CEP44: variants seen among roughly 807,000 people sequenced by gnomAD.
CEP44 encodes the protein centrosomal protein of 44 kDa.
A neutral mutation model predicts 46.7 loss-of-function variants in CEP44; 45 were observed. That is an observed-to-expected ratio of 0.96 (90% CI 0.76 to 1.24). The LOEUF (loss-of-function observed/expected upper bound fraction) is 1.24. Among genes scored for constraint, CEP44 ranks in the 50% most tolerant of loss-of-function variants. The pLI, the probability that CEP44 is intolerant of heterozygous loss-of-function variation, is 0.00. For synonymous variants in CEP44, 142 were observed against 146.0 expected (o/e 0.97, Z 0.20); for missense variants, 475 against 459.7 (o/e 1.03, Z -0.30).
rs1298423696 is a variant in CEP44 at position 174,311,175 on chromosome 4, TTAGG to T, written c.961+325_961+328del. ...GGCCTCCAAGTTTTTAAATTTAAGC[TTAGG>T]TAGGTAGTAGCTTTCTCATATGTAA... On this transcript the variant is annotated intron_variant, in intron 9 of 11. Transcript: ENST00000503780. This position sits in a 1 kb window ranked among gnomAD's most constrained non-coding sequence, Gnocchi z 4.4. Among the ~76,000 whole-genome samples the T allele has an allele frequency of 6.6e-6, 1 of 151,952 alleles. No homozygotes were observed. The highest frequency in any genetic ancestry group is 1.5e-5 in the Non-Finnish European group (1 of 67,892).
chr4:174,324,442 G>T (rs1487979736), downstream of CEP44, among the ~76,000 whole-genome samples: 1 of 152,088 alleles, frequency 6.6e-6, no homozygotes, highest in Non-Finnish European at 1.5e-5. Flanking sequence ...GTAAAGTTAT[G>T]ATTAAGTTTA....
rs1560894461 is a variant in CEP44 at position 174,297,477 on chromosome 4, T to A, written c.-147-489T>A. On this transcript the variant is annotated intron_variant, in intron 1 of 11. Coordinates refer to ENST00000503780, the MANE Select transcript of CEP44 (RefSeq NM_001040157.3). The surrounding 1 kb of genome is among the most constrained non-coding windows in gnomAD (Gnocchi z 4.3). ...TATCAATAAGTGAGTTTGCTGCAGG[T>A]TTATTGGGCAAGACCTGCCCTTTTC... is the stretch of plus-strand genomic sequence containing the variant. Among the ~76,000 whole-genome samples the A allele has an allele frequency of 6.6e-6, 1 of 152,122 alleles. No individual in the cohort carries two copies. The highest frequency in any genetic ancestry group is 1.5e-5 in the Non-Finnish European group (1 of 68,028).
chr4:174,306,768 G>C (rs112185001), intron 6 of CEP44, among the ~76,000 whole-genome samples: 2,465 of 152,102 alleles, frequency 0.016, 56 homozygotes, highest in African/African-American at 0.056. Context: ...GCAAAGTCTT[G>C]AGATACAAAA....
intron 5 of CEP44, among the ~76,000 whole-genome samples, 169 bp downstream of exon 5, chr4:174,304,018 C>G (rs1464900214): frequency 6.6e-6 from 1 of 152,124 alleles, no homozygotes; most frequent in Non-Finnish European, 1.5e-5. Context: ...TTAAATACTA[C>G]TCTCTTGTTT....
Position 174,318,194 on chromosome 4 carries a change from G to C in CEP44, c.*811G>C. 4.5e-6 allele frequency: 3 copies of C among 662,448 alleles called. No individual in the cohort carries two copies. Among genetic ancestry groups the C allele is most frequent in the Non-Finnish European group, 5.6e-6 (3 of 535,344 alleles). The allele number at this position is 662,448 out of a possible 1,614,324, so 41.0% of individuals were successfully genotyped here. On this transcript the variant is annotated 3_prime_UTR_variant, in exon 12 of 12. Coordinates refer to ENST00000503780, the MANE Select transcript of CEP44 (RefSeq NM_001040157.3). ...TTCTTGTGCCTCAGCCTCCTGAGTA[G>C]CTGGGATTATAGGCATGCACCACCA...
rs1431116754 is a variant in CEP44, at chr4:174,287,603, TCA to T, written c.-148+3667_-148+3668del. On this transcript the variant is annotated intron_variant, in intron 1 of 11. Coordinates refer to ENST00000503780, the MANE Select transcript of CEP44 (RefSeq NM_001040157.3). The surrounding 1 kb of genome is among the most constrained non-coding windows in gnomAD (Gnocchi z 5.1). ...TCTATAATATTTTAAATTAACTAAA[TCA>T]CACACATTCTCTTTTTCATCATTAC... Among the ~76,000 whole-genome samples, 10 of 152,218 alleles carry T rather than the reference TCA, an allele frequency of 6.6e-5. No individual in the cohort carries two copies. The highest frequency in any genetic ancestry group is 2.4e-4 in the African/African-American group (10 of 41,464).
At chr4:174,333,206 G>A (rs1731395382) in exon 9 of CEP44, 1 of 150,524 alleles carries the variant, frequency 6.6e-6, no homozygotes, top group Non-Finnish European at 1.5e-5. Flanking sequence ...GAGCGTAAAA[G>A]GATGAATTGC....
chr4:174,299,100 G>C lies in CEP44; in HGVS notation c.-22G>C, dbSNP rs747430320. On this transcript the variant is annotated 5_prime_UTR_variant, in exon 3 of 12. Transcript: ENST00000503780. ...AAAAATTAGACGATTTCAAGAATTG[G>C]AGCTGAATCTGATGTTAAGTAATGG... 1.9e-6 allele frequency: 3 copies of C among 1,596,386 alleles called. No homozygotes were observed. The highest frequency in any genetic ancestry group is 2.6e-6 in the Non-Finnish European group (3 of 1,167,474).
rs1383993500 is a variant in CEP44 at position 174,288,951 on chromosome 4, T to G, written c.-148+5008T>G. Among the ~76,000 whole-genome samples, 1 of 152,172 alleles carries G rather than the reference T, an allele frequency of 6.6e-6. No homozygotes were observed. The highest frequency in any genetic ancestry group is 1.9e-4 in the East Asian group (1 of 5,198). ...TAAGGTTCTTCCATACCTAGTTTAT[T>G]GGGAGTTTTTATCACAAAAGAGTAT... On this transcript the variant is annotated intron_variant, in intron 1 of 11. Transcript: ENST00000503780. This position sits in a 1 kb window ranked among gnomAD's most constrained non-coding sequence, Gnocchi z 4.6.
At chr4:174,320,616 C>T (rs1369987125), downstream of CEP44, among the ~76,000 whole-genome samples, 2 of 71,584 alleles carry the variant, frequency 2.8e-5, no homozygotes, top group African/African-American at 1.0e-4. Context: ...AAAGGACTAG[C>T]ATAAACAAAG....
At position 174,301,986 on chromosome 4, in the gene CEP44, G is replaced by A; in HGVS notation, c.90-53G>A. 1.4e-6 allele frequency: 2 copies of A among 1,477,202 alleles called. No individual in the cohort carries two copies. Among genetic ancestry groups the A allele is most frequent in the Non-Finnish European group, 1.8e-6 (2 of 1,092,516 alleles). 91.5% of individuals were successfully genotyped at this position (1,477,202 alleles called of 1,614,324 possible). ...ATTTTCTTGATTATCCAACTTTGTG[G>A]AATTATGCTTATTAAATGCTTATTA... On this transcript the variant is annotated intron_variant, in intron 3 of 11. Transcript: ENST00000503780. This position sits in a 1 kb window ranked among gnomAD's most constrained non-coding sequence, Gnocchi z 4.3.
chr4:174,308,578 A>G, intron 6 of CEP44, 111 bp from the exon 7 acceptor site: 2 of 995,692 alleles, frequency 2.0e-6, no homozygotes, highest in Non-Finnish European at 1.5e-6. Flanking sequence ...CATGGCACAC[A>G]TTTACTTGTG....
intron 9 of CEP44, among the ~76,000 whole-genome samples, chr4:174,315,715 C>T (rs1741602189): frequency 6.6e-6 from 1 of 151,836 alleles, no homozygotes; most frequent in East Asian, 1.9e-4. Flanking sequence ...GTAGCTGGCG[C>T]CTGTAGTCCC....
chr4:174,295,608 T>A (rs1738903199), intron 1 of CEP44, among the ~76,000 whole-genome samples: 1 of 151,936 alleles, frequency 6.6e-6, no homozygotes, highest in Admixed American at 6.5e-5. Flanking sequence ...GAGGCTGCAA[T>A]CTTGGCACTT....
At chr4:174,321,458 G>T (rs1742310812), downstream of CEP44, among the ~76,000 whole-genome samples, 1 of 151,936 alleles carries the variant, frequency 6.6e-6, no homozygotes, top group Admixed American at 6.6e-5. Flanking sequence ...TCAAAATTAG[G>T]TGTAAGCTTT....
chr4:174,320,448 A>G (rs1579167633), downstream of CEP44: 1 of 353,528 alleles, frequency 2.8e-6, no homozygotes, highest in Non-Finnish European at 3.3e-6. Context: ...TTGAGCTCAA[A>G]TAACATTGTA....
In CEP44 at chr4:174,311,786, T is replaced by C. The variant is rs1392677594; in HGVS notation, c.961+928T>C. ...TATTGAATTGTAGATCAAATTTGAA[T>C]CCAGGCAACTGATCTGAAGTTTTTT... On this transcript the variant is annotated intron_variant, in intron 9 of 11. Coordinates refer to ENST00000503780, the MANE Select transcript of CEP44 (RefSeq NM_001040157.3). This position sits in a 1 kb window ranked among gnomAD's most constrained non-coding sequence, Gnocchi z 4.4. 1.3e-5 allele frequency among the ~76,000 whole-genome samples: 2 copies of C among 152,188 alleles called. No homozygotes were observed. Among genetic ancestry groups the C allele is most frequent in the Admixed American group, 1.3e-4 (2 of 15,264 alleles).
At chr4:174,294,539 G>C (rs1459735098) in intron 1 of CEP44, among the ~76,000 whole-genome samples, 1 of 150,756 alleles carries the variant, frequency 6.6e-6, no homozygotes, top group Non-Finnish European at 1.5e-5. Context: ...ATCATGGCCC[G>C]TTCTCAATGA....
In CEP44 at chr4:174,314,385, T is replaced by G. The variant is rs2126654739; in HGVS notation, c.962-1781T>G. On this transcript the variant is annotated intron_variant, in intron 9 of 11. Transcript: ENST00000503780. This position sits in a 1 kb window ranked among gnomAD's most constrained non-coding sequence, Gnocchi z 4.1. The stretch of plus-strand genomic sequence containing the variant: ...TAGCAATAAGAAAAAATATAGAAAT[T>G]AATGTGCAGTTAACTGATCTGGCTA... 6.6e-6 allele frequency among the ~76,000 whole-genome samples: 1 copy of G among 152,312 alleles called. No homozygotes were observed. Among genetic ancestry groups the G allele is most frequent in the East Asian group, 1.9e-4 (1 of 5,188 alleles).
Sources: allele counts gnomAD v4.1 joint callset (sites outside exome capture counted in the v4.1 genomes callset), GRCh38; gene constraint gnomAD v4.1.1; non-coding constraint Gnocchi (gnomAD v3.1); transcripts MANE v1.5; gene names NCBI Gene and HGNC (gene_info 2026-07-23, HGNC 2026-07-21).